The following JAKMIP3 variants were observed in gnomAD, a reference collection of about 807,000 sequenced individuals.
JAKMIP3 encodes the protein janus kinase and microtubule-interacting protein 3.
JAKMIP3 carries 58 observed loss-of-function variants against 118.5 expected under a neutral mutation model. The ratio of observed to expected loss-of-function variants is 0.49; its 90% CI spans 0.40 to 0.61. The LOEUF (loss-of-function observed/expected upper bound fraction) is 0.61, where lower values mean the gene tolerates loss of function less well. JAKMIP3 is among the 20% of genes least tolerant of loss of function. The pLI is 0.00. For synonymous variants in JAKMIP3, 486 were observed against 451.2 expected (o/e 1.08, Z -0.98); for missense variants, 950 against 1,109.0 (o/e 0.86, Z 2.04).
At position 132,137,156 on chromosome 10, in the gene JAKMIP3, C is replaced by A. The variant is rs367921994; in HGVS notation, c.1248+6C>A. The stretch of plus-strand genomic sequence containing the variant: ...TCATAGATGAACTGTCTAAGGTACC[C>A]GGCGGGCTGTTTGCTGCGGCCCCGT... On this transcript the variant is annotated splice_donor_region_variant and intron_variant, in intron 7 of 23. Transcript: ENST00000684848. 24 of 1,613,852 alleles carry A rather than the reference C, an allele frequency of 1.5e-5. No homozygotes were observed. The Middle Eastern group carries it at 1.3e-3, about 89-fold the overall frequency.
At chr10:132,067,506 G>T (rs2038976747) in intron 1 of JAKMIP3, among the ~76,000 whole-genome samples, 1 of 152,270 alleles carries the variant, frequency 6.6e-6, no homozygotes, top group African/African-American at 2.4e-5. Context: ...TCAGAGCTGT[G>T]CCTCTGCCCC....
rs1422304951 is a variant in JAKMIP3 at position 132,158,488 on chromosome 10, C to A, written c.2220+4498C>A. ...CCTCCACAGTAGCTGTGTTCTCAGACCTCAGATGGGGCCAACTGCTCAGGG... is the reference window on the plus strand; with the variant it reads ...CCTCCACAGTAGCTGTGTTCTCAGAACTCAGATGGGGCCAACTGCTCAGGG... On this transcript the variant is annotated intron_variant, in intron 19 of 23. Coordinates refer to ENST00000684848, the MANE Select transcript of JAKMIP3 (RefSeq NM_001323087.2). Among the ~76,000 whole-genome samples the A allele has an allele frequency of 3.9e-5, 6 of 152,366 alleles. No individual in the cohort carries two copies. In the South Asian group the frequency reaches 8.3e-4, roughly 21 times the overall value.
rs112393089 is a variant in JAKMIP3, at chr10:132,096,990, G to A, written c.-137-7682G>A. On this transcript the variant is annotated intron_variant, in intron 1 of 23. Transcript: ENST00000684848. ...AGCAGCCTCACAGCAGACATTTCCC[G>A]ACATGGATGTGCAGATGGCCAAGGC... Among the ~76,000 whole-genome samples the A allele has an allele frequency of 2.6e-3, 399 of 152,334 alleles. 3 individuals are homozygous for A. The highest frequency in any genetic ancestry group is 8.9e-3 in the African/African-American group (372 of 41,576).
At chr10:132,137,393 C>A (rs1056316190) in intron 8 of JAKMIP3, 104 bp downstream of exon 8, 37 of 1,409,562 alleles carry the variant, frequency 2.6e-5, no homozygotes, top group Non-Finnish European at 3.5e-5. Flanking sequence ...ACAGAAGCGG[C>A]CGCGGCAGCC....
chr10:132,061,098 G>A (rs970171128), upstream of JAKMIP3, among the ~76,000 whole-genome samples: 5 of 152,226 alleles, frequency 3.3e-5, no homozygotes, highest in African/African-American at 1.2e-4. Flanking sequence ...GCTAGTATAA[G>A]GTAAATATGA....
chr10:132,177,137 T>G (rs2060214560), intron 23 of JAKMIP3, among the ~76,000 whole-genome samples: 1 of 152,250 alleles, frequency 6.6e-6, no homozygotes, highest in African/African-American at 2.4e-5. Context: ...GCTTACAGCC[T>G]GCGGGCCAGC....
chr10:132,163,426 G>A lies in JAKMIP3; in HGVS notation c.2424+14G>A, dbSNP rs749164098. 3.1e-5 allele frequency: 49 copies of A among 1,584,774 alleles called. No homozygotes were observed. Among genetic ancestry groups the A allele is most frequent in the Non-Finnish European group, 3.9e-5 (46 of 1,172,932 alleles). On this transcript the variant is annotated intron_variant, in intron 20 of 23. Transcript: ENST00000684848. The stretch of plus-strand genomic sequence containing the variant: ...CTGGCTCAGCAGGTGTGTGGCAGGC[G>A]GGGGCAGGGCTGGCGTGAAGACCTG...
chr10:132,141,643 C>T (rs1468000882), intron 10 of JAKMIP3, among the ~76,000 whole-genome samples: 1 of 152,152 alleles, frequency 6.6e-6, no homozygotes, highest in East Asian at 1.9e-4. Context: ...GCCCAGCAGG[C>T]TCACCCTGTC....
chr10:132,157,974 A>C (rs970057555), intron 19 of JAKMIP3, among the ~76,000 whole-genome samples: 5 of 152,132 alleles, frequency 3.3e-5, no homozygotes, highest in Admixed American at 2.6e-4. Context: ...ATTGTACAAA[A>C]AAATTCCAGT....
chr10:132,069,996 G>A (rs1006115170), intron 1 of JAKMIP3, among the ~76,000 whole-genome samples: 3 of 152,162 alleles, frequency 2.0e-5, no homozygotes, highest in Admixed American at 6.5e-5. Flanking sequence ...AGAGTGACAC[G>A]GGGCTGGCAG....
rs1392970396 is a variant in JAKMIP3, at chr10:132,180,542, T to TGTGTGTGTGTGTGCGTGC, written c.*1104-1812_*1104-1811insTGTGTGTGTGCGTGCGTG. On this transcript the variant is annotated intron_variant, in intron 23 of 23. Transcript: ENST00000684848. ...GCAGAACTGTGTGTGTGTGTGTGTG[T>TGTGTGTGTGTGTGCGTGC]GTGCGTGCGTGCATGCGTGTGTGTG... is the stretch of plus-strand genomic sequence containing the variant. Among the ~76,000 whole-genome samples, 62 of 31,774 alleles carry TGTGTGTGTGTGTGCGTGC rather than the reference T, an allele frequency of 2.0e-3. 23 individuals carry two copies. The highest frequency in any genetic ancestry group is 0.013 in the African/African-American group (58 of 4,322). 20.8% of individuals were successfully genotyped at this position (31,774 alleles called of 152,430 possible). A position where few individuals can be genotyped will look rare whatever the true frequency, so the allele number is the denominator to read the frequency against.
At chr10:132,144,854 G>A (rs932695498) in intron 11 of JAKMIP3, among the ~76,000 whole-genome samples, 1 of 152,062 alleles carries the variant, frequency 6.6e-6, no homozygotes, top group Non-Finnish European at 1.5e-5. Context: ...ACTTGAGCTC[G>A]GGAGGCGGAG....
intron 23 of JAKMIP3, among the ~76,000 whole-genome samples, chr10:132,180,968 T>C (rs989361057): frequency 1.3e-5 from 2 of 150,846 alleles, no homozygotes; most frequent in African/African-American, 4.8e-5. Flanking sequence ...TTGTGCGTAT[T>C]GTGTGGGCAT....
In JAKMIP3 at chr10:132,117,307, C is replaced by T. The variant is rs2047836852; in HGVS notation, c.366C>T (p.Ala122=). Residue 122 remains alanine (A), a synonymous_variant, in exon 3 of 24, where the codon GCC becomes GCT. Transcript: ENST00000684848. The surrounding 1 kb of genome is among the most constrained non-coding windows in gnomAD (Gnocchi z 8.6). ...AGCGGCTGCAGGCACTGCTCAGTGC[C>T]CTGCGTGATGGCGGCCCCGAAAAGG... The part of the protein sequence containing the change: ...ENQRLQALLS[A]LRDGGPEKVK... The T allele has an allele frequency of 6.2e-7, 1 of 1,613,934 alleles. No homozygotes were observed. Among genetic ancestry groups the T allele is most frequent in the Non-Finnish European group, 8.5e-7 (1 of 1,179,880 alleles).
intron 1 of JAKMIP3, among the ~76,000 whole-genome samples, chr10:132,070,269 T>C (rs1181954186): frequency 1.3e-5 from 2 of 152,124 alleles, no homozygotes; most frequent in Non-Finnish European, 2.9e-5. Context: ...TACCTCAGCC[T>C]CCCGAGTAGC....
In JAKMIP3 at chr10:132,115,222, C is replaced by CTGGGT. The variant is rs1564915047; in HGVS notation, c.136-1855_136-1854insTGGGT. 5.5e-4 allele frequency among the ~76,000 whole-genome samples: 49 copies of CTGGGT among 88,646 alleles called. 1 individual carries two copies. The highest frequency in any genetic ancestry group is 2.6e-3 in the African/African-American group (47 of 17,752). The allele number at this position is 88,646 out of a possible 152,430, so 58.2% of individuals were successfully genotyped here. ...GCGATCGCGGCTAGGGGTCACCCTG[C>CTGGGT]CGGGTCACCGCGATCGCGGCTAGGG... On this transcript the variant is annotated intron_variant, in intron 2 of 23. Transcript: ENST00000684848.
chr10:132,139,180 CTGTGTATG>C lies in JAKMIP3; in HGVS notation c.1344+1008_1344+1015del, dbSNP rs1325966942. ...TGTGTATGTACATGTGTGTATGTGT[CTGTGTATG>C]TGTGTGTATGAGTGTGTGTGTGTAT... is the stretch of plus-strand genomic sequence containing the variant. On this transcript the variant is annotated intron_variant, in intron 9 of 23. Coordinates refer to ENST00000684848, the MANE Select transcript of JAKMIP3 (RefSeq NM_001323087.2). Among the ~76,000 whole-genome samples, 91 of 113,374 alleles carry C rather than the reference CTGTGTATG, an allele frequency of 8.0e-4. 2 individuals are homozygous for C. The highest frequency in any genetic ancestry group is 2.7e-3 in the African/African-American group (68 of 25,086). The allele number at this position is 113,374 out of a possible 152,430, so 74.4% of individuals were successfully genotyped here.
chr10:132,108,391 T>C (rs2046250236), intron 2 of JAKMIP3, among the ~76,000 whole-genome samples: 1 of 152,084 alleles, frequency 6.6e-6, no homozygotes. Flanking sequence ...ATTTCCAACA[T>C]TAAAGGAGTT....
chr10:132,106,065 A>G (rs1163231409), intron 2 of JAKMIP3, among the ~76,000 whole-genome samples: 1 of 152,164 alleles, frequency 6.6e-6, no homozygotes, highest in East Asian at 1.9e-4. Flanking sequence ...GGAAAGTTGT[A>G]TTAGAACATG....
Sources: gnomAD v4.1 joint callset for allele counts (sites outside exome capture counted in the v4.1 genomes callset) on GRCh38, gnomAD v4.1.1 for gene constraint, Gnocchi (gnomAD v3.1) non-coding constraint, MANE v1.5 for transcripts, NCBI Gene and HGNC (gene_info 2026-07-23, HGNC 2026-07-21) for gene names.